The following SLC19A1 variants were observed in gnomAD, a reference collection of about 807,000 sequenced individuals.
The protein encoded by SLC19A1 is reduced folate transporter.
Under a neutral mutation model 35.3 loss-of-function variants are expected in SLC19A1, and 37 were observed. That is an observed-to-expected ratio of 1.05 (90% CI 0.81 to 1.38). The LOEUF (loss-of-function observed/expected upper bound fraction) is 1.38. Among genes scored for constraint, SLC19A1 ranks in the 40% most tolerant of loss-of-function variants. The pLI, the probability that SLC19A1 is intolerant of heterozygous loss-of-function variation, is 0.00. For missense variants in SLC19A1, 831 were observed against 826.9 expected (o/e 1.00, Z -0.06); for synonymous variants, 460 against 398.5 (o/e 1.15, Z -1.84).
At chr21:45,550,151 C>T (rs1317110238) in intron 1 of SLC19A1, among the ~76,000 whole-genome samples, 2 of 152,274 alleles carry the variant, frequency 1.3e-5, no homozygotes, top group Non-Finnish European at 2.9e-5. Context: ...TGCTCCTGCC[C>T]ACCCAGCCCA....
intron 3 of SLC19A1, chr21:45,505,409 GAACCATGGGC>G: frequency 6.3e-7 from 1 of 1,576,572 alleles, no homozygotes; most frequent in Admixed American, 1.7e-5. Flanking sequence ...GGGCCCCCTG[GAACCATGGGC>G]GCCTCCTCAG....
At chr21:45,507,642 G>T (rs548016223), downstream of SLC19A1, 1 of 1,561,596 alleles carries the variant, frequency 6.4e-7, no homozygotes, top group Non-Finnish European at 8.8e-7. Flanking sequence ...AGGACATGAG[G>T]GGGTATGTGC....
chr21:45,515,278 C>T lies in SLC19A1; in HGVS notation c.*380G>A. On this transcript the variant is annotated 3_prime_UTR_variant, in exon 6 of 6. Transcript: ENST00000311124. ...CCACCCTGCCCTAGAGGGCTCACAA[C>T]TCCTGTGGGGCCAGTGTCCCCTGAG... is the stretch of plus-strand genomic sequence containing the variant. 1.3e-6 allele frequency: 2 copies of T among 1,485,092 alleles called. No individual in the cohort carries two copies. Among genetic ancestry groups the T allele is most frequent in the Non-Finnish European group, 1.8e-6 (2 of 1,131,418 alleles). 92.0% of individuals were successfully genotyped at this position (1,485,092 alleles called of 1,614,324 possible).
At chr21:45,508,183 A>T (rs2037341827), downstream of SLC19A1, among the ~76,000 whole-genome samples, 1 of 140,542 alleles carries the variant, frequency 7.1e-6, no homozygotes, top group Non-Finnish European at 1.5e-5. Flanking sequence ...GGGGAGATGG[A>T]TGGATGGTGG....
At chr21:45,551,167 T>C (rs1208836412) in intron 1 of SLC19A1, among the ~76,000 whole-genome samples, 1 of 151,686 alleles carries the variant, frequency 6.6e-6, no homozygotes, top group Non-Finnish European at 1.5e-5. Flanking sequence ...GGCAGGAGAA[T>C]AGCTTGAACC....
chr21:45,531,715 C>T lies in SLC19A1; in HGVS notation c.623G>A (p.Arg208His). 3.7e-6 allele frequency: 6 copies of T among 1,612,702 alleles called. No homozygotes were observed. Among genetic ancestry groups the T allele is most frequent in the South Asian group, 1.1e-5 (1 of 91,044 alleles). Reference sequence around the variant, plus strand: ...GTCGTCGCGGTTGAAGAAGAGGCTGCGCTTGGGGCGCTTCAGGAAGAGGGC... The same window carrying T: ...GTCGTCGCGGTTGAAGAAGAGGCTGTGCTTGGGGCGCTTCAGGAAGAGGGC... ...VLALFLKRPK[R>H]SLFFNRDDRG... is the part of the protein sequence containing the mutation. The change falls in exon 3 of 6, where the codon CGC becomes CAC. Residue 208 changes from arginine (R) to histidine (H), a missense_variant. Physicochemically the swap from Arg to His is conservative, Grantham distance 29. Coordinates refer to ENST00000311124, the MANE Select transcript of SLC19A1 (RefSeq NM_194255.4).
At chr21:45,505,168 G>C in intron 3 of SLC19A1, 1 of 1,607,482 alleles carries the variant, frequency 6.2e-7, no homozygotes, top group Non-Finnish European at 8.5e-7. Flanking sequence ...GGCCAGCCCG[G>C]CCCACCTGGA....
Position 45,537,967 on chromosome 21 carries a change from A to C in SLC19A1, c.-8T>G, listed in dbSNP as rs998709214. On this transcript the variant is annotated 5_prime_UTR_variant, in exon 2 of 6. Coordinates refer to ENST00000311124, the MANE Select transcript of SLC19A1 (RefSeq NM_194255.4). ...TGGGCTGGAGGGCACCATCCTGCTC[A>C]GGCCACGTGCAGCTCCGGAGGGGAC... 18 of 1,546,124 alleles carry C rather than the reference A, an allele frequency of 1.2e-5. No individual in the cohort carries two copies. The Admixed American group carries it at 2.1e-4, about 18-fold the overall frequency.
At chr21:45,503,644 G>A (rs1301383148) in intron 3 of SLC19A1, among the ~76,000 whole-genome samples, 4 of 116,376 alleles carry the variant, frequency 3.4e-5, no homozygotes, top group African/African-American at 6.5e-5. Context: ...TGTGGGGTGG[G>A]GGGAGGGGGG....
intron 2 of SLC19A1, chr21:45,536,057 AGGAG>A: frequency 2.9e-6 from 1 of 349,882 alleles, no homozygotes; most frequent in Non-Finnish European, 4.1e-6. Context: ...GTCGGGCCCC[AGGAG>A]GGAGGGCGTG....
chr21:45,506,153 A>G, intron 3 of SLC19A1: 1 of 826,942 alleles, frequency 1.2e-6, no homozygotes, highest in South Asian at 1.6e-5. Flanking sequence ...GGGTTTAAAG[A>G]AAAGTGAGCT....
chr21:45,520,475 A>G (rs1201240963), intron 5 of SLC19A1, among the ~76,000 whole-genome samples: 1 of 152,258 alleles, frequency 6.6e-6, no homozygotes, highest in Non-Finnish European at 1.5e-5. Context: ...CCTACAACAA[A>G]TAAGTAATCT....
chr21:45,534,774 G>A lies in SLC19A1; in HGVS notation c.190-2626C>T, dbSNP rs907646508. 69 of 604,750 alleles carry A rather than the reference G, an allele frequency of 1.1e-4. No individual in the cohort carries two copies. Among genetic ancestry groups the A allele is most frequent in the Non-Finnish European group, 1.9e-4 (65 of 344,580 alleles). The allele number at this position is 604,750 out of a possible 1,614,324, so 37.5% of individuals were successfully genotyped here. On this transcript the variant is annotated intron_variant, in intron 2 of 5. Coordinates refer to ENST00000311124, the MANE Select transcript of SLC19A1 (RefSeq NM_194255.4). The surrounding 1 kb of genome is among the most constrained non-coding windows in gnomAD (Gnocchi z 4.2). ...GGCTCTGCCCAGAGCTGTGACCTGC[G>A]TCCCACTTACAAGGCTGCTGGGGGA...
At chr21:45,509,406 CA>C, downstream of SLC19A1, 1 of 1,542,328 alleles carries the variant, frequency 6.5e-7, no homozygotes, top group Non-Finnish European at 8.7e-7. Context: ...TGCACGACAG[CA>C]ACCCCTACCC....
downstream of SLC19A1, chr21:45,509,592 C>A: frequency 6.7e-6 from 10 of 1,494,898 alleles, no homozygotes; most frequent in Non-Finnish European, 8.9e-6. Context: ...ACCGCGACTT[C>A]CAGCCGGTGG....
intron 4 of SLC19A1, among the ~76,000 whole-genome samples, chr21:45,526,566 A>G (rs1341044797): frequency 6.6e-6 from 1 of 152,100 alleles, no homozygotes; most frequent in Non-Finnish European, 1.5e-5. Flanking sequence ...GGAGTATTTC[A>G]AATTCTGGAT....
Position 45,531,421 on chromosome 21 carries a change from T to C in SLC19A1, c.917A>G (p.Asn306Ser), listed in dbSNP as rs1310192443. Residue 306 changes from asparagine (N) to serine (S), a missense_variant, in exon 3 of 6, where the codon AAC (asparagine) becomes AGC (serine). Transcript: ENST00000311124. ...DPTTNSARVYNGAADAASTLL... is the reference protein window; with the variant it reads ...DPTTNSARVYSGAADAASTLL... ...CGTGGAGGCAGCATCTGCCGCGCCG[T>C]TGTAGACCCGCGCACTGTTGGTGGT... 6.2e-7 allele frequency: 1 copy of C among 1,604,452 alleles called. No individual in the cohort carries two copies. Among genetic ancestry groups the C allele is most frequent in the African/African-American group, 1.3e-5 (1 of 74,736 alleles).
Position 45,534,174 on chromosome 21 carries a change from C to G in SLC19A1, c.190-2026G>C, listed in dbSNP as rs2078029827. On this transcript the variant is annotated intron_variant, in intron 2 of 5. Coordinates refer to ENST00000311124, the MANE Select transcript of SLC19A1 (RefSeq NM_194255.4). This position sits in a 1 kb window ranked among gnomAD's most constrained non-coding sequence, Gnocchi z 4.2. ...GGTCACAGAGAGCCTCAGGGCCAGC[C>G]ATCGGCTTCTGCACTGTGTTTACAG... 6.6e-6 allele frequency among the ~76,000 whole-genome samples: 1 copy of G among 152,236 alleles called. No individual in the cohort carries two copies. Among genetic ancestry groups the G allele is most frequent in the Admixed American group, 6.5e-5 (1 of 15,286 alleles).
chr21:45,504,683 G>A (rs924207233), intron 3 of SLC19A1: 49 of 802,536 alleles, frequency 6.1e-5, no homozygotes, highest in East Asian at 3.2e-4. Context: ...CAGCAGCCCC[G>A]ACATGTCCCT....
Sources: gnomAD v4.1 joint callset for allele counts (sites outside exome capture counted in the v4.1 genomes callset) on GRCh38, gnomAD v4.1.1 for gene constraint, Gnocchi (gnomAD v3.1) non-coding constraint, MANE v1.5 for transcripts, NCBI Gene and HGNC (gene_info 2026-07-23, HGNC 2026-07-21) for gene names.